The following FUNDC2 variants were observed in gnomAD, a reference collection of about 807,000 sequenced individuals.
FUNDC2 encodes FUN14 domain-containing protein 2.
In FUNDC2, 4 loss-of-function variants were observed where a neutral mutation model predicts 15.6. That is an observed-to-expected ratio of 0.26 (90% CI 0.13 to 0.59). The LOEUF (loss-of-function observed/expected upper bound fraction) is 0.59. Among genes scored for constraint, FUNDC2 ranks in the 20% least tolerant of loss-of-function variants. The pLI is 0.90. For synonymous variants in FUNDC2, 44 were observed against 56.9 expected (o/e 0.77, Z 1.02); for missense variants, 98 against 149.7 (o/e 0.65, Z 1.80).
chrX:155,038,284 A>G (rs1241671272), intron 2 of FUNDC2, among the ~76,000 whole-genome samples: 3 of 111,548 alleles, frequency 2.7e-5, no homozygotes, highest in Non-Finnish European at 5.7e-5. Flanking sequence ...GGCGTACATG[A>G]TGTTTTGATA....
chrX:155,044,444 A>G (rs1267944430), intron 2 of FUNDC2, among the ~76,000 whole-genome samples: 2 of 112,050 alleles, frequency 1.8e-5, no homozygotes, highest in Non-Finnish European at 3.8e-5. Context: ...CCAGTGATAT[A>G]TGAGGAAAAC....
intron 2 of FUNDC2, among the ~76,000 whole-genome samples, chrX:155,042,539 A>G (rs1485590544): frequency 9.0e-6 from 1 of 110,973 alleles, no homozygotes; most frequent in Non-Finnish European, 1.9e-5. Context: ...CTGTGGGTTT[A>G]TAGTTTTCAC....
chrX:155,044,147 C>T (rs782753810), intron 2 of FUNDC2, among the ~76,000 whole-genome samples: 2 of 112,107 alleles, frequency 1.8e-5, no homozygotes, highest in African/African-American at 6.5e-5. Context: ...ACTTGATTTA[C>T]AAAGAGACAT....
At chrX:155,049,660 C>G (rs1463204084) in intron 3 of FUNDC2, 7 of 112,008 alleles carry the variant, frequency 6.2e-5, no homozygotes, top group African/African-American at 2.3e-4. Flanking sequence ...TGCAGTAAAT[C>G]TATGGATAAT....
chrX:155,050,461 C>G (rs1557290390), intron 3 of FUNDC2: 1 of 111,902 alleles, frequency 8.9e-6, no homozygotes. Flanking sequence ...TCCATGTATT[C>G]TCTCAGTTTA....
In FUNDC2 at chrX:155,057,382, G is replaced by C. The variant is rs1557291148; in HGVS notation, c.*2710G>C. 1.8e-5 allele frequency: 2 copies of C among 111,332 alleles called. No homozygotes were observed. Among genetic ancestry groups the C allele is most frequent in the Non-Finnish European group, 3.8e-5 (2 of 52,564 alleles). 9.2% of individuals were successfully genotyped at this position (111,332 alleles called of 1,213,427 possible). On this transcript the variant is annotated 3_prime_UTR_variant, in exon 5 of 5. Transcript: ENST00000369498. The stretch of plus-strand genomic sequence containing the variant: ...TTGACTGGAGAGGCCTGCTTAGCTA[G>C]GCACGTATTTTCTCCAGTAGCAGAG...
In FUNDC2 at chrX:155,055,221, T is replaced by C. The variant is rs1412489238; in HGVS notation, c.*549T>C. On this transcript the variant is annotated 3_prime_UTR_variant, in exon 5 of 5. Transcript: ENST00000369498. ...AAATTGGCAGCATAATTACTGTAAT[T>C]GAAAAATCTGATATTGTCCAGGAAT... 6.7e-6 allele frequency: 2 copies of C among 296,516 alleles called. No individual in the cohort carries two copies. The highest frequency in any genetic ancestry group is 5.5e-5 in the African/African-American group (2 of 36,467). The allele number at this position is 296,516 out of a possible 1,213,427, so 24.4% of individuals were successfully genotyped here.
In FUNDC2 at chrX:155,055,453, T is replaced by G. The variant is rs2124200681; in HGVS notation, c.*781T>G. Reference sequence around the variant, plus strand: ...TGTGCCACTTCTACTATTTTTTTTTTTAATCTAGTTAGTATGAAATACAAC... The same window carrying G: ...TGTGCCACTTCTACTATTTTTTTTTGTAATCTAGTTAGTATGAAATACAAC... On this transcript the variant is annotated 3_prime_UTR_variant, in exon 5 of 5. Transcript: ENST00000369498. 1 of 291,521 alleles carries G rather than the reference T, an allele frequency of 3.4e-6. No homozygotes were observed. Among genetic ancestry groups the G allele is most frequent in the African/African-American group, 2.8e-5 (1 of 36,128 alleles). 24.0% of individuals were successfully genotyped at this position (291,521 alleles called of 1,213,427 possible). A position where few individuals can be genotyped will look rare whatever the true frequency, so the allele number is the denominator to read the frequency against.
At chrX:155,054,479 A>C in intron 4 of FUNDC2, 116 bp from the exon 5 acceptor site, 1 of 1,148,797 alleles carries the variant, frequency 8.7e-7, no homozygotes, top group East Asian at 3.1e-5. Context: ...AGTGCAAATT[A>C]CGTAACCGAT....
intron 4 of FUNDC2, chrX:155,053,918 GCA>G: frequency 2.7e-6 from 2 of 751,479 alleles, no homozygotes; most frequent in East Asian, 1.5e-4. Flanking sequence ...GATTGGTAGA[GCA>G]CAGACTAAGG....
At chrX:155,051,945 T>A in intron 4 of FUNDC2, 144 bp downstream of exon 4, 1 of 552,455 alleles carries the variant, frequency 1.8e-6, no homozygotes, top group Non-Finnish European at 2.8e-6. Context: ...ACTTGGATTA[T>A]CATCACTTCA....
rs1448226468 is a variant in FUNDC2, at chrX:155,056,816, T to C, written c.*2144T>C. 1 of 111,729 alleles carries C rather than the reference T, an allele frequency of 9.0e-6. No homozygotes were observed. Among genetic ancestry groups the C allele is most frequent in the African/African-American group, 3.3e-5 (1 of 30,705 alleles). 9.2% of individuals were successfully genotyped at this position (111,729 alleles called of 1,213,427 possible). The stretch of plus-strand genomic sequence containing the variant: ...TCTCCAGTGGGGTAGGGGTTGTCTT[T>C]TGGTGCATCTGTTTTTCCTGTGATT... On this transcript the variant is annotated 3_prime_UTR_variant, in exon 5 of 5. Transcript: ENST00000369498.
chrX:155,057,911 TC>T lies in FUNDC2; in HGVS notation c.*3240del, dbSNP rs782775553. The T allele has an allele frequency of 9.0e-6, 1 of 111,663 alleles. No individual in the cohort carries two copies. Among genetic ancestry groups the T allele is most frequent in the East Asian group, 2.8e-4 (1 of 3,539 alleles). The allele number at this position is 111,663 out of a possible 1,213,427, so 9.2% of individuals were successfully genotyped here. A position where few individuals can be genotyped will look rare whatever the true frequency, so the allele number is the denominator to read the frequency against. ...GGCTCAACAGATGGAGTCCAATGTT[TC>T]AGTCTCCCCCAAGAATGTGTATCCT... On this transcript the variant is annotated 3_prime_UTR_variant, in exon 5 of 5. Coordinates refer to ENST00000369498, the MANE Select transcript of FUNDC2 (RefSeq NM_023934.4).
rs1359418710 is a variant in FUNDC2, at chrX:155,056,546, A to G, written c.*1874A>G. 1 of 106,760 alleles carries G rather than the reference A, an allele frequency of 9.4e-6. No individual in the cohort carries two copies. Among genetic ancestry groups the G allele is most frequent in the Non-Finnish European group, 1.9e-5 (1 of 51,910 alleles). The allele number at this position is 106,760 out of a possible 1,213,427, so 8.8% of individuals were successfully genotyped here. A position where few individuals can be genotyped will look rare whatever the true frequency, so the allele number is the denominator to read the frequency against. Reference sequence around the variant, plus strand: ...CTATTTTTTTTTTTTTGCTTGCTATATATTTATATCTCTATATATATTGAT... The same window carrying G: ...CTATTTTTTTTTTTTTGCTTGCTATGTATTTATATCTCTATATATATTGAT... On this transcript the variant is annotated 3_prime_UTR_variant, in exon 5 of 5. Transcript: ENST00000369498.
rs1350518078 is a variant in FUNDC2, at chrX:155,055,459, T to A, written c.*787T>A. 2 of 291,289 alleles carry A rather than the reference T, an allele frequency of 6.9e-6. No individual in the cohort carries two copies. Among genetic ancestry groups the A allele is most frequent in the African/African-American group, 5.6e-5 (2 of 35,995 alleles). The allele number at this position is 291,289 out of a possible 1,213,427, so 24.0% of individuals were successfully genotyped here. A position where few individuals can be genotyped will look rare whatever the true frequency, so the allele number is the denominator to read the frequency against. ...ACTTCTACTATTTTTTTTTTTAATC[T>A]AGTTAGTATGAAATACAACATTTAA... On this transcript the variant is annotated 3_prime_UTR_variant, in exon 5 of 5. Coordinates refer to ENST00000369498, the MANE Select transcript of FUNDC2 (RefSeq NM_023934.4).
At chrX:155,047,803 C>T (rs2073867524) in intron 3 of FUNDC2, among the ~76,000 whole-genome samples, 1 of 111,040 alleles carries the variant, frequency 9.0e-6, no homozygotes, top group Non-Finnish European at 1.9e-5. Context: ...ACCATGACCT[C>T]AGGACTCCCA....
intron 4 of FUNDC2, 34 bp from the exon 5 acceptor site, chrX:155,054,561 C>G: frequency 8.3e-7 from 1 of 1,208,099 alleles, no homozygotes; most frequent in African/African-American, 1.7e-5. Flanking sequence ...ACATCCTTAG[C>G]AAAACAACCC....
intron 2 of FUNDC2, among the ~76,000 whole-genome samples, chrX:155,037,360 A>G (rs939200989): frequency 2.7e-5 from 3 of 111,148 alleles, no homozygotes; most frequent in Non-Finnish European, 5.7e-5. Context: ...AATTCACAGA[A>G]CTCAGAGCTG....
At position 155,055,239 on chromosome X, in the gene FUNDC2, C is replaced by T; in HGVS notation, c.*567C>T. On this transcript the variant is annotated 3_prime_UTR_variant, in exon 5 of 5. Coordinates refer to ENST00000369498, the MANE Select transcript of FUNDC2 (RefSeq NM_023934.4). Reference sequence around the variant, plus strand: ...CTGTAATTGAAAAATCTGATATTGTCCAGGAATGCTTTCTACCGTACAGGA... The same window carrying T: ...CTGTAATTGAAAAATCTGATATTGTTCAGGAATGCTTTCTACCGTACAGGA... The T allele has an allele frequency of 6.7e-6, 2 of 297,492 alleles. No individual in the cohort carries two copies. Among genetic ancestry groups the T allele is most frequent in the East Asian group, 9.5e-5 (2 of 21,040 alleles). The allele number at this position is 297,492 out of a possible 1,213,427, so 24.5% of individuals were successfully genotyped here.
Sources: allele counts gnomAD v4.1 joint callset (sites outside exome capture counted in the v4.1 genomes callset), GRCh38; gene constraint gnomAD v4.1.1; transcripts MANE v1.5; gene names NCBI Gene and HGNC (gene_info 2026-07-23, HGNC 2026-07-21).